CUL2: variants seen among roughly 807,000 people sequenced by gnomAD.
CUL2 encodes the protein cullin-2.
In CUL2, 22 loss-of-function variants were observed where a neutral mutation model predicts 110.2. The ratio of observed to expected loss-of-function variants is 0.20; its 90% CI spans 0.14 to 0.28. The LOEUF is 0.28. Among genes scored for constraint, CUL2 ranks in the 10% least tolerant of loss-of-function variants. The pLI is 1.00. For synonymous variants in CUL2, 279 were observed against 293.2 expected, an observed-to-expected ratio of 0.95 and a Z score of 0.49; for missense variants, 631 against 905.5, an observed-to-expected ratio of 0.70 and a Z score of 3.89.
chr10:35,092,474 C>G (rs1010091211), upstream of CUL2, among the ~76,000 whole-genome samples: 6 of 152,120 alleles, frequency 3.9e-5, no homozygotes, highest in African/African-American at 1.4e-4. Context: ...AATTTTGGCC[C>G]TTGAATACAA....
intron 4 of CUL2, among the ~76,000 whole-genome samples, chr10:35,057,204 TATTG>T (rs1175329664): frequency 6.6e-6 from 1 of 152,228 alleles, no homozygotes; most frequent in Non-Finnish European, 1.5e-5. Context: ...TTGAGCCAGG[TATTG>T]ATTTAGTGCA....
intron 16 of CUL2, 89 bp downstream of exon 16, chr10:35,028,721 A>G: frequency 1.2e-6 from 1 of 834,632 alleles, no homozygotes; most frequent in Non-Finnish European, 1.9e-6. Context: ...ATGAACCCTT[A>G]AGACTCTGAA....
chr10:35,078,128 T>C (rs1184311870), intron 1 of CUL2, among the ~76,000 whole-genome samples: 1 of 152,164 alleles, frequency 6.6e-6, no homozygotes. Flanking sequence ...GAATCTTAAC[T>C]TTCCTGTGAG....
Position 35,009,187 on chromosome 10 carries a change from T to G in CUL2, c.*1124A>C, listed in dbSNP as rs918699669. The G allele has an allele frequency of 1.9e-5, 2 of 102,732 alleles. No individual in the cohort carries two copies. Among genetic ancestry groups the G allele is most frequent in the Non-Finnish European group, 3.9e-5 (2 of 50,802 alleles). 6.4% of individuals were successfully genotyped at this position (102,732 alleles called of 1,614,324 possible). A position where few individuals can be genotyped will look rare whatever the true frequency, so the allele number is the denominator to read the frequency against. On this transcript the variant is annotated 3_prime_UTR_variant, in exon 21 of 21. Transcript: ENST00000374749. ...TACTCTTAACACTGCTGTTGAGATA[T>G]ATATATATATATATTATATATATAT... is the stretch of plus-strand genomic sequence containing the variant.
Position 35,044,554 on chromosome 10 carries a change from T to C in CUL2, c.714+12A>G, listed in dbSNP as rs774920654. 6 of 1,524,402 alleles carry C rather than the reference T, an allele frequency of 3.9e-6. 1 individual carries two copies. Among genetic ancestry groups the C allele is most frequent in the Admixed American group, 1.8e-5 (1 of 54,536 alleles). The allele number at this position is 1,524,402 out of a possible 1,614,324, so 94.4% of individuals were successfully genotyped here. The stretch of plus-strand genomic sequence containing the variant: ...AAATAGATAAATGTATTCGATATGT[T>C]TTATTTCTTACCTTTTCCATATACT... On this transcript the variant is annotated intron_variant, in intron 8 of 20. Coordinates refer to ENST00000374749, the MANE Select transcript of CUL2 (RefSeq NM_003591.4).
At chr10:35,037,383 T>C (rs1564711770) in intron 9 of CUL2, among the ~76,000 whole-genome samples, 1 of 152,268 alleles carries the variant, frequency 6.6e-6, no homozygotes, top group African/African-American at 2.4e-5. Context: ...GATATCTGTC[T>C]GTCCTTGTAC....
At chr10:35,010,587 T>A in intron 20 of CUL2, 145 bp from the exon 21 acceptor site, 1 of 609,910 alleles carries the variant, frequency 1.6e-6, no homozygotes, top group Non-Finnish European at 2.6e-6. Context: ...AACTACAATG[T>A]GGAAAATGGA....
chr10:35,124,835 G>C (rs1278361817), intron 1 of CUL2, among the ~76,000 whole-genome samples: 1 of 152,162 alleles, frequency 6.6e-6, no homozygotes, highest in Non-Finnish European at 1.5e-5. Flanking sequence ...GACCCAGAAA[G>C]GGAGGGAAAG....
intron 8 of CUL2, among the ~76,000 whole-genome samples, chr10:35,041,700 C>T (rs1243990299): frequency 6.6e-6 from 1 of 152,038 alleles, no homozygotes; most frequent in Non-Finnish European, 1.5e-5. Flanking sequence ...CCATGTGTGG[C>T]TAGTTTTTTA....
chr10:35,114,471 C>A (rs2087566855), intron 1 of CUL2, among the ~76,000 whole-genome samples: 1 of 151,908 alleles, frequency 6.6e-6, no homozygotes, highest in Non-Finnish European at 1.5e-5. Flanking sequence ...CAACTTCTGC[C>A]TCCCAGGTTC....
At chr10:35,117,345 TC>T (rs1484301140) in intron 1 of CUL2, among the ~76,000 whole-genome samples, 1 of 152,092 alleles carries the variant, frequency 6.6e-6, no homozygotes, top group African/African-American at 2.4e-5. Context: ...GGCTCAATCC[TC>T]CCACCTCAGC....
At chr10:35,096,420 C>G (rs995507573) in intron 2 of CUL2, among the ~76,000 whole-genome samples, 2 of 151,942 alleles carry the variant, frequency 1.3e-5, no homozygotes, top group Non-Finnish European at 2.9e-5. Flanking sequence ...GCCTGGGCAA[C>G]AGAGCAAAAC....
In CUL2 at chr10:35,031,767, C is replaced by T. The variant is rs1346489338; in HGVS notation, c.1171-148G>A. On this transcript the variant is annotated intron_variant, in intron 12 of 20. Transcript: ENST00000374749. This position sits in a 1 kb window ranked among gnomAD's most constrained non-coding sequence, Gnocchi z 4.4. ...GACCGGGTCTTGCTCTGTTGCCAGG[C>T]TGGATTGCAGTGGACAAGATCATAG... 2 of 765,262 alleles carry T rather than the reference C, an allele frequency of 2.6e-6. No individual in the cohort carries two copies. The highest frequency in any genetic ancestry group is 3.5e-5 in the African/African-American group (2 of 57,078). 47.4% of individuals were successfully genotyped at this position (765,262 alleles called of 1,614,324 possible).
intron 1 of CUL2, chr10:35,074,106 G>T: frequency 7.9e-7 from 1 of 1,258,552 alleles, no homozygotes; most frequent in Non-Finnish European, 1.1e-6. Flanking sequence ...TCCAAGCTCT[G>T]AGGATACAGT....
At chr10:35,081,881 T>G (rs2086954418) in intron 1 of CUL2, among the ~76,000 whole-genome samples, 1 of 152,224 alleles carries the variant, frequency 6.6e-6, no homozygotes, top group Non-Finnish European at 1.5e-5. Context: ...CATTAAATCC[T>G]GCCTATGTCC....
intron 1 of CUL2, among the ~76,000 whole-genome samples, chr10:35,072,704 C>G (rs2086712995): frequency 6.6e-6 from 1 of 152,180 alleles, no homozygotes; most frequent in African/African-American, 2.4e-5. Context: ...AGACTCCTGC[C>G]TCAGACAAAC....
intron 18 of CUL2, among the ~76,000 whole-genome samples, chr10:35,015,404 G>A (rs79754287): frequency 0.014 from 2,096 of 151,922 alleles, 51 homozygotes; most frequent in African/African-American, 0.048. Context: ...TTTTACAGTT[G>A]TTCAGTTATA....
intron 4 of CUL2, among the ~76,000 whole-genome samples, chr10:35,059,848 C>A (rs2086336952): frequency 6.6e-6 from 1 of 152,228 alleles, no homozygotes. Context: ...GCATTGCTTT[C>A]TTCCTCTGTA....
chr10:35,125,402 T>C (rs1401957909), intron 1 of CUL2, among the ~76,000 whole-genome samples: 1 of 152,228 alleles, frequency 6.6e-6, no homozygotes, highest in East Asian at 1.9e-4. Flanking sequence ...AAATAAGAAA[T>C]TGCCATTCCT....
Sources: gnomAD v4.1 joint callset for allele counts (sites outside exome capture counted in the v4.1 genomes callset) on GRCh38, gnomAD v4.1.1 for gene constraint, Gnocchi (gnomAD v3.1) non-coding constraint, MANE v1.5 for transcripts, NCBI Gene and HGNC (gene_info 2026-07-23, HGNC 2026-07-21) for gene names.